Variants in SIN3A observed in about 807,000 individuals in gnomAD.
SIN3A encodes the protein SIN3 transcription regulator family member A, also known as paired amphipathic helix protein Sin3a.
Under a neutral mutation model 146.1 loss-of-function variants are expected in SIN3A, and 14 were observed. That is an observed-to-expected ratio of 0.10 (90% CI 0.06 to 0.15). The LOEUF (loss-of-function observed/expected upper bound fraction) is 0.15, where lower values mean the gene tolerates loss of function less well. Ranked by LOEUF, SIN3A falls within the 10% of genes least tolerant of loss-of-function variation. SIN3A has a pLI of 1.00. For missense variants in SIN3A, 1,028 were observed against 1,576.0 expected (o/e 0.65, Z 5.89); for synonymous variants, 572 against 572.0 (o/e 1.00, Z 0.00).
intron 1 of SIN3A, among the ~76,000 whole-genome samples, chr15:75,438,569 G>T (rs932820007): frequency 1.3e-5 from 2 of 151,940 alleles, no homozygotes; most frequent in Non-Finnish European, 2.9e-5. Context: ...AGCACCTGTA[G>T]TCCTTGCTGC....
At chr15:75,410,938 G>C (rs1218142947) in intron 6 of SIN3A, among the ~76,000 whole-genome samples, 1 of 142,534 alleles carries the variant, frequency 7.0e-6, no homozygotes, top group Non-Finnish European at 1.5e-5. Context: ...CTGCACTATT[G>C]CACTCCAGCC....
chr15:75,431,761 T>C (rs555328449), intron 1 of SIN3A, among the ~76,000 whole-genome samples: 1 of 152,362 alleles, frequency 6.6e-6, no homozygotes, highest in African/African-American at 2.4e-5. Context: ...GGACTCTCCA[T>C]GGCTGTTTCA....
chr15:75,419,767 G>C (rs2073808750), intron 3 of SIN3A: 1 of 152,180 alleles, frequency 6.6e-6, no homozygotes, highest in Non-Finnish European at 1.5e-5. Flanking sequence ...GGAGGGTGCA[G>C]TGAGTTGAGA....
At chr15:75,404,181 T>G (rs1031464332) in intron 9 of SIN3A, among the ~76,000 whole-genome samples, 3 of 152,220 alleles carry the variant, frequency 2.0e-5, no homozygotes, top group Non-Finnish European at 4.4e-5. Flanking sequence ...TTTTCTTAAC[T>G]ATTCATCAGT....
chr15:75,375,905 C>A (rs1447572426), intron 19 of SIN3A, 33 bp from the exon 20 acceptor site: 2 of 1,606,984 alleles, frequency 1.2e-6, no homozygotes, highest in Non-Finnish European at 1.7e-6. Flanking sequence ...GATGAGAGCT[C>A]GTCCAGATGC....
Position 75,406,492 on chromosome 15 carries a change from C to A in SIN3A, c.1407+563G>T, listed in dbSNP as rs566395134. Among the ~76,000 whole-genome samples the A allele has an allele frequency of 2.0e-5, 3 of 152,290 alleles. No individual in the cohort carries two copies. The South Asian group carries it at 6.2e-4, about 32-fold the overall frequency. ...CACGAGGTCAGGAGATCGAGACCAT[C>A]CTGGCTAACACGGTGAAACCCCGTC... On this transcript the variant is annotated intron_variant, in intron 9 of 20. Transcript: ENST00000394947.
chr15:75,431,369 C>T (rs980086705), intron 1 of SIN3A, among the ~76,000 whole-genome samples: 57 of 152,316 alleles, frequency 3.7e-4, no homozygotes, highest in Admixed American at 3.1e-3. Context: ...AATAATACCT[C>T]CGTGGGAGAC....
At chr15:75,451,721 C>T (rs1482316724), upstream of SIN3A, 1 of 152,344 alleles carries the variant, frequency 6.6e-6, no homozygotes, top group East Asian at 1.9e-4. Context: ...TCCCCCGACC[C>T]CGCCCCGCAG....
chr15:75,452,938 C>T (rs1237583659), upstream of SIN3A: 1 of 152,248 alleles, frequency 6.6e-6, no homozygotes, highest in Non-Finnish European at 1.5e-5. Context: ...GTAACAGTGC[C>T]TCGAACACAC....
At chr15:75,418,921 ATT>A (rs1204318104) in intron 3 of SIN3A, among the ~76,000 whole-genome samples, 1 of 151,084 alleles carries the variant, frequency 6.6e-6, no homozygotes, top group Non-Finnish European at 1.5e-5. Flanking sequence ...CGGCCGGCTA[ATT>A]TTTTTTTCTA....
At chr15:75,417,993 C>T (rs1371794008) in intron 3 of SIN3A, among the ~76,000 whole-genome samples, 1 of 152,072 alleles carries the variant, frequency 6.6e-6, no homozygotes, top group East Asian at 1.9e-4. Context: ...ACCAAACCAA[C>T]TGGCACCTGG....
chr15:75,378,612 A>G (rs1332529723), intron 19 of SIN3A, among the ~76,000 whole-genome samples: 2 of 152,184 alleles, frequency 1.3e-5, no homozygotes, highest in Admixed American at 6.5e-5. Context: ...TTTTGTTGTC[A>G]TATCAAAGAA....
At chr15:75,437,859 AT>A (rs2074133584) in intron 1 of SIN3A, among the ~76,000 whole-genome samples, 1 of 152,174 alleles carries the variant, frequency 6.6e-6, no homozygotes, top group African/African-American at 2.4e-5. Flanking sequence ...GCAGCAGAAC[AT>A]TTAAAGGTCA....
intron 12 of SIN3A, among the ~76,000 whole-genome samples, chr15:75,397,304 G>T (rs1313794609): frequency 6.6e-6 from 1 of 152,138 alleles, no homozygotes; most frequent in Non-Finnish European, 1.5e-5. Flanking sequence ...GGCCCCTCTT[G>T]CTCTCCAATT....
intron 1 of SIN3A, among the ~76,000 whole-genome samples, chr15:75,445,425 G>A (rs1194682715): frequency 6.7e-6 from 1 of 150,030 alleles, no homozygotes; most frequent in Non-Finnish European, 1.5e-5. Flanking sequence ...CATGGTGGTG[G>A]GTGCCTGTAA....
intron 15 of SIN3A, 132 bp from the exon 16 acceptor site, chr15:75,389,953 C>G (rs2073166994): frequency 3.9e-6 from 3 of 777,942 alleles, no homozygotes; most frequent in Non-Finnish European, 2.1e-6. Flanking sequence ...AATATACTCA[C>G]TCATTCCAAT....
At chr15:75,380,889 A>G in intron 18 of SIN3A, 166 bp from the exon 19 acceptor site, 2 of 566,908 alleles carry the variant, frequency 3.5e-6, no homozygotes, top group South Asian at 4.0e-5. Flanking sequence ...GTATTGGAAC[A>G]CGGATTAAAA....
chr15:75,438,969 A>G (rs1318499273), intron 1 of SIN3A, among the ~76,000 whole-genome samples: 1 of 152,222 alleles, frequency 6.6e-6, no homozygotes, highest in African/African-American at 2.4e-5. Context: ...AAGGCACTCT[A>G]TTTAGATTTC....
intron 14 of SIN3A, 121 bp downstream of exon 14, chr15:75,394,559 A>G: frequency 2.8e-6 from 2 of 706,148 alleles, no homozygotes; most frequent in South Asian, 2.6e-5. Context: ...ACAGCTATCA[A>G]GCAAGAATCA....
Sources: gnomAD v4.1 joint callset for allele counts (sites outside exome capture counted in the v4.1 genomes callset) on GRCh38, gnomAD v4.1.1 for gene constraint, MANE v1.5 for transcripts, NCBI Gene and HGNC (gene_info 2026-07-23, HGNC 2026-07-21) for gene names.